TMEM53: variants seen among roughly 807,000 people sequenced by gnomAD.
TMEM53 encodes the protein transmembrane protein 53.
Under a neutral mutation model 21.4 loss-of-function variants are expected in TMEM53, and 14 were observed. The observed-to-expected ratio is 0.65, with a 90% CI of 0.43 to 1.02. TMEM53 has a LOEUF of 1.02. Ranked by LOEUF, TMEM53 falls within the 50% of genes least tolerant of loss-of-function variation. The pLI, the probability that TMEM53 is intolerant of heterozygous loss-of-function variation, is 0.00. For missense variants in TMEM53, 323 were observed against 383.6 expected, an observed-to-expected ratio of 0.84 and a Z score of 1.32; for synonymous variants, 148 against 157.4, an observed-to-expected ratio of 0.94 and a Z score of 0.45.
intron 2 of TMEM53, among the ~76,000 whole-genome samples, chr1:44,656,795 C>T (rs539394040): frequency 5.3e-5 from 8 of 152,190 alleles, no homozygotes; most frequent in African/African-American, 9.6e-5. Flanking sequence ...GGGCAGATGA[C>T]GAAGTCAGGA....
At chr1:44,672,062 T>C (rs1645006663) in intron 1 of TMEM53, among the ~76,000 whole-genome samples, 1 of 152,246 alleles carries the variant, frequency 6.6e-6, no homozygotes, top group African/African-American at 2.4e-5. Flanking sequence ...TATCAGGCCA[T>C]GTTGGCCTGG....
chr1:44,673,628 A>G (rs1645039968), intron 1 of TMEM53: 1 of 155,080 alleles, frequency 6.4e-6, no homozygotes, highest in African/African-American at 2.4e-5. Flanking sequence ...TGCTGATCGT[A>G]AATGCCAATT....
At chr1:44,661,987 G>A (rs1269930710) in intron 1 of TMEM53, among the ~76,000 whole-genome samples, 1 of 152,226 alleles carries the variant, frequency 6.6e-6, no homozygotes, top group African/African-American at 2.4e-5. Context: ...GGGCCGGCAT[G>A]CACCCTTCCA....
chr1:44,665,385 C>G (rs1018835499), intron 1 of TMEM53, among the ~76,000 whole-genome samples: 2 of 151,964 alleles, frequency 1.3e-5, no homozygotes, highest in African/African-American at 4.8e-5. Context: ...GCCTATAATC[C>G]CAGTATTTTG....
chr1:44,669,687 T>C (rs972121798), intron 1 of TMEM53, among the ~76,000 whole-genome samples: 4 of 152,032 alleles, frequency 2.6e-5, no homozygotes, highest in African/African-American at 4.8e-5. Flanking sequence ...CAGTGTTAAG[T>C]ACCACAGACA....
rs904574197 is a variant in TMEM53 at position 44,653,425 on chromosome 1, C to T, written c.*1134G>A. On this transcript the variant is annotated 3_prime_UTR_variant, in exon 3 of 3. Transcript: ENST00000372237. ...AGTTTGCTATTTCAGCCCAAATCCC[C>T]TTACCCTGGTTCTGGTCTTTAGGGC... 6.6e-6 allele frequency: 1 copy of T among 152,240 alleles called. No individual in the cohort carries two copies. The highest frequency in any genetic ancestry group is 1.5e-5 in the Non-Finnish European group (1 of 68,042). The allele number at this position is 152,240 out of a possible 1,614,324, so 9.4% of individuals were successfully genotyped here.
chr1:44,654,850 G>C lies in TMEM53; in HGVS notation c.543C>G (p.Val181=). 1 of 1,612,906 alleles carries C rather than the reference G, an allele frequency of 6.2e-7. No individual in the cohort carries two copies. ...LLLLVAFALV[V]VLFHVLLAPI... is the part of the protein sequence containing the mutation. ...GAGCAAGCAGGACGTGGAACAGGAC[G>C]ACCACCAGGGCAAAGGCCACCAGCA... Residue 181 remains valine (V), a synonymous_variant, in exon 3 of 3, where the codon GTC becomes GTG. Coordinates refer to ENST00000372237, the MANE Select transcript of TMEM53 (RefSeq NM_024587.4). The surrounding 1 kb of genome is among the most constrained non-coding windows in gnomAD (Gnocchi z 7.0).
chr1:44,673,913 A>AC, intron 1 of TMEM53: 1 of 985,278 alleles, frequency 1.0e-6, no homozygotes, highest in Non-Finnish European at 1.2e-6. Context: ...AGGATCGGTG[A>AC]CCCCGCGAGC....
chr1:44,653,717 G>T lies in TMEM53; in HGVS notation c.*842C>A, dbSNP rs1012764480. On this transcript the variant is annotated 3_prime_UTR_variant, in exon 3 of 3. Transcript: ENST00000372237. ...TACACTGTAGGGCTTCGCCCTGCTG[G>T]AGCAAAGATCATAGCCCCTATCCGC... 6.6e-6 allele frequency: 1 copy of T among 152,252 alleles called. No individual in the cohort carries two copies. The highest frequency in any genetic ancestry group is 1.5e-5 in the Non-Finnish European group (1 of 68,066). The allele number at this position is 152,252 out of a possible 1,614,324, so 9.4% of individuals were successfully genotyped here.
At chr1:44,666,143 A>AT (rs1197641280) in intron 1 of TMEM53, among the ~76,000 whole-genome samples, 3 of 152,226 alleles carry the variant, frequency 2.0e-5, no homozygotes, top group Non-Finnish European at 4.4e-5. Context: ...GCTCAACATC[A>AT]TAGCCATTAG....
intron 2 of TMEM53, among the ~76,000 whole-genome samples, chr1:44,656,691 C>T (rs772633973): frequency 7.3e-5 from 11 of 151,334 alleles, no homozygotes; most frequent in Non-Finnish European, 1.5e-4. Context: ...ATAGCCTGGA[C>T]GACATAGGGA....
rs1644837895 is a variant in TMEM53, at chr1:44,655,162, G to A, written c.231C>T (p.Phe77=). ...GTGAAGGGATACCCAGTGACTCGGA[G>A]AAGAAGACCATGTGCCACGGGGCTG... The part of the protein sequence containing the change: ...RYTAPWHMVF[F]SESLGIPSLR... Residue 77 remains phenylalanine (F), a synonymous_variant, in exon 3 of 3, where the codon TTC becomes TTT. Coordinates refer to ENST00000372237, the MANE Select transcript of TMEM53 (RefSeq NM_024587.4). The surrounding 1 kb of genome is among the most constrained non-coding windows in gnomAD (Gnocchi z 4.4). 2 of 1,613,606 alleles carry A rather than the reference G, an allele frequency of 1.2e-6. No individual in the cohort carries two copies. The highest frequency in any genetic ancestry group is 2.2e-5 in the East Asian group (1 of 44,876).
At chr1:44,674,207 A>G in intron 1 of TMEM53, 124 bp downstream of exon 1, 1 of 1,422,394 alleles carries the variant, frequency 7.0e-7, no homozygotes, top group Non-Finnish European at 9.2e-7. Flanking sequence ...GACCTGCCAG[A>G]CCCTATGAGG....
intron 1 of TMEM53, among the ~76,000 whole-genome samples, chr1:44,667,333 A>T: frequency 7.0e-6 from 1 of 142,782 alleles, no homozygotes; most frequent in Non-Finnish European, 1.5e-5. Flanking sequence ...TTTTTTTGAC[A>T]GTCTCACTCT....
In TMEM53 at chr1:44,654,379, G is replaced by A; in HGVS notation, c.*180C>T. On this transcript the variant is annotated 3_prime_UTR_variant, in exon 3 of 3. Coordinates refer to ENST00000372237, the MANE Select transcript of TMEM53 (RefSeq NM_024587.4). This position sits in a 1 kb window ranked among gnomAD's most constrained non-coding sequence, Gnocchi z 7.0. ...CCTGCCCCTTAGGATTCTGTGGTAA[G>A]CAGACCACCAGCAGACAGAGGCCCC... is the stretch of plus-strand genomic sequence containing the variant. The A allele has an allele frequency of 1.5e-6, 1 of 677,004 alleles. No homozygotes were observed. The highest frequency in any genetic ancestry group is 2.5e-6 in the Non-Finnish European group (1 of 405,508). The allele number at this position is 677,004 out of a possible 1,614,324, so 41.9% of individuals were successfully genotyped here. A position where few individuals can be genotyped will look rare whatever the true frequency, so the allele number is the denominator to read the frequency against.
chr1:44,670,360 C>A lies in TMEM53; in HGVS notation c.61+3971G>T, dbSNP rs565360026. Reference sequence around the variant, plus strand: ...CTGTTCCCTCCAGCCACTCACTGTCCCCCTTCAGGGATTTACTTCTGCACT... The same window carrying A: ...CTGTTCCCTCCAGCCACTCACTGTCACCCTTCAGGGATTTACTTCTGCACT... On this transcript the variant is annotated intron_variant, in intron 1 of 2. Coordinates refer to ENST00000372237, the MANE Select transcript of TMEM53 (RefSeq NM_024587.4). 4.6e-5 allele frequency among the ~76,000 whole-genome samples: 7 copies of A among 152,192 alleles called. No homozygotes were observed. The East Asian group carries it at 1.4e-3, about 29-fold the overall frequency.
At chr1:44,665,358 C>T (rs1478578877) in intron 1 of TMEM53, among the ~76,000 whole-genome samples, 6 of 152,116 alleles carry the variant, frequency 3.9e-5, no homozygotes, top group African/African-American at 7.2e-5. Context: ...CAATCTTTGC[C>T]GGGCGCAGTG....
intron 1 of TMEM53, 189 bp downstream of exon 1, chr1:44,674,142 C>T: frequency 1.0e-6 from 1 of 985,344 alleles, no homozygotes; most frequent in South Asian, 4.7e-5. Context: ...CAGGGAGGAA[C>T]ACTCTGGGGC....
chr1:44,659,644 G>A (rs1035214072), intron 2 of TMEM53, among the ~76,000 whole-genome samples: 4 of 152,182 alleles, frequency 2.6e-5, no homozygotes, highest in East Asian at 1.9e-4. Flanking sequence ...CCTGCTGCCC[G>A]CAGAGGCACT....
Sources: allele counts gnomAD v4.1 joint callset (sites outside exome capture counted in the v4.1 genomes callset), GRCh38; gene constraint gnomAD v4.1.1; non-coding constraint Gnocchi (gnomAD v3.1); transcripts MANE v1.5; gene names NCBI Gene and HGNC (gene_info 2026-07-23, HGNC 2026-07-21).